Variants in ANK2 observed in about 807,000 individuals in gnomAD.
The protein encoded by ANK2 is ankyrin 2, also known as ankyrin-2.
In ANK2, 83 loss-of-function variants were observed where a neutral mutation model predicts 360.5. The ratio of observed to expected loss-of-function variants is 0.23; its 90% CI spans 0.19 to 0.28. The LOEUF (loss-of-function observed/expected upper bound fraction) is 0.28. Among genes scored for constraint, ANK2 ranks in the 10% least tolerant of loss-of-function variants. ANK2 has a pLI of 1.00. For synonymous variants in ANK2, 1,740 were observed against 1,759.5 expected (o/e 0.99, Z 0.28); for missense variants, 4,201 against 4,795.7 (o/e 0.88, Z 3.66).
At chr4:113,231,786 T>G (rs1200509182) in intron 4 of ANK2, among the ~76,000 whole-genome samples, 1 of 151,906 alleles carries the variant, frequency 6.6e-6, no homozygotes, top group Non-Finnish European at 1.5e-5. Flanking sequence ...GTATTTTTAG[T>G]AGAGATGCGG....
At chr4:113,337,599 G>A (rs2093712916) in intron 31 of ANK2, among the ~76,000 whole-genome samples, 1 of 152,100 alleles carries the variant, frequency 6.6e-6, no homozygotes, top group Non-Finnish European at 1.5e-5. Flanking sequence ...TGTATTGTTA[G>A]AATTATTATT....
Position 113,199,069 on chromosome 4 carries a change from T to A in ANK2, c.344T>A (p.Val115Asp), listed in dbSNP as rs780411131. The A allele has an allele frequency of 6.2e-7, 1 of 1,613,466 alleles. No homozygotes were observed. The highest frequency in any genetic ancestry group is 8.5e-7 in the Non-Finnish European group (1 of 1,179,558). The change falls in exon 4 of 46, where the codon GTT becomes GAT. Residue 115 changes from valine to aspartate, a missense_variant. Transcript: ENST00000357077. ...SLAGQAEVVK[V>D]LVKEGANINA... is the part of the protein sequence containing the mutation. The stretch of plus-strand genomic sequence containing the variant: ...GCTGGACAAGCAGAAGTTGTCAAAG[T>A]TCTTGTTAAGGAAGGAGCCAATATT...
chr4:113,203,719 A>T (rs2098893174), intron 4 of ANK2, among the ~76,000 whole-genome samples: 1 of 152,038 alleles, frequency 6.6e-6, no homozygotes, highest in South Asian at 2.1e-4. Context: ...ATCTCTTTTG[A>T]TATTCCTTTA....
chr4:112,871,049 T>C (rs1189730213), intron 1 of ANK2, among the ~76,000 whole-genome samples: 1 of 149,160 alleles, frequency 6.7e-6, no homozygotes, highest in African/African-American at 2.4e-5. Context: ...AAATATTTGA[T>C]TGCGTTTGAT....
chr4:113,128,833 G>A (rs2095832587), intron 1 of ANK2, among the ~76,000 whole-genome samples: 1 of 152,160 alleles, frequency 6.6e-6, no homozygotes, highest in African/African-American at 2.4e-5. Context: ...AATACGTAGA[G>A]TTGTACGTTG....
intron 1 of ANK2, among the ~76,000 whole-genome samples, chr4:112,844,836 G>A (rs1011968720): frequency 3.3e-5 from 5 of 152,182 alleles, no homozygotes; most frequent in African/African-American, 9.7e-5. Context: ...AAATTAAGAT[G>A]TCAGTTGCTC....
intron 4 of ANK2, among the ~76,000 whole-genome samples, chr4:113,209,733 C>T (rs1297553474): frequency 6.6e-6 from 1 of 151,976 alleles, no homozygotes; most frequent in African/African-American, 2.4e-5. Context: ...GGAGGTTCCA[C>T]ATTGGTTTTG....
the ANK2 span, chr4:112,797,756 A>G: frequency 0.25 from 41,501 of 167,714 alleles, 5,738 homozygotes; most frequent in East Asian, 0.53. Flanking sequence ...GACAACTTCA[A>G]GATTGTATTT....
intron 24 of ANK2, 131 bp downstream of exon 24, chr4:113,311,530 T>C: frequency 8.0e-7 from 1 of 1,242,416 alleles, no homozygotes; most frequent in Non-Finnish European, 1.1e-6. Context: ...AGTTAGCATG[T>C]TATGTTTTTC....
intron 2 of ANK2, among the ~76,000 whole-genome samples, chr4:112,929,039 G>T (rs139567782): frequency 0.027 from 4,092 of 151,968 alleles, 77 homozygotes; most frequent in Middle Eastern, 0.037. Context: ...TTTTAGTAGA[G>T]ACGGGGTTTC....
At chr4:112,807,463 C>A in the ANK2 span, among the ~76,000 whole-genome samples, 1 of 152,148 alleles carries the variant, frequency 6.6e-6, no homozygotes, top group South Asian at 2.1e-4. Flanking sequence ...AGTTACTATT[C>A]TTTGAGGAGA....
At chr4:113,306,620 A>G (rs2077349498) in intron 23 of ANK2, among the ~76,000 whole-genome samples, 1 of 152,232 alleles carries the variant, frequency 6.6e-6, no homozygotes, top group South Asian at 2.1e-4. Context: ...AAATCTCTAT[A>G]ATGCTAGGTA....
chr4:113,043,548 AG>A (rs1205805508), intron 2 of ANK2, among the ~76,000 whole-genome samples: 8 of 152,122 alleles, frequency 5.3e-5, no homozygotes, highest in Admixed American at 1.3e-4. Flanking sequence ...CTGGGATTAC[AG>A]GCATGAGCCA....
At position 113,354,376 on chromosome 4, in the gene ANK2, G is replaced by T; in HGVS notation, c.5758G>T (p.Gly1920Trp). ...CAAACGTCCACCTGTATCGCCCTCC[G>T]GGAGGACAGAAAAACACCCGCCAGT... ...TDKRPPVSPSGRTEKHPPVSP... is the reference protein window; with the variant it reads ...TDKRPPVSPSWRTEKHPPVSP... Residue 1920 changes from glycine to tryptophan, a missense_variant, in exon 38 of 46, where the codon GGG (glycine) becomes TGG (tryptophan). Coordinates refer to ENST00000357077, the MANE Select transcript of ANK2 (RefSeq NM_001148.6). 2 of 1,613,964 alleles carry T rather than the reference G, an allele frequency of 1.2e-6. No homozygotes were observed. Among genetic ancestry groups the T allele is most frequent in the Non-Finnish European group, 1.7e-6 (2 of 1,179,954 alleles).
chr4:113,199,653 C>G lies in ANK2; in HGVS notation c.384+544C>G, dbSNP rs920413389. 3.3e-5 allele frequency among the ~76,000 whole-genome samples: 5 copies of G among 150,880 alleles called. 1 individual carries two copies. In the South Asian group the frequency reaches 8.4e-4, roughly 25 times the overall value. On this transcript the variant is annotated intron_variant, in intron 4 of 45. Coordinates refer to ENST00000357077, the MANE Select transcript of ANK2 (RefSeq NM_001148.6). ...CAAAATTATACTATAAGCTTGATCC[C>G]TTTTTTTTTCTGGTGGAAAAGGGGA...
chr4:113,182,279 A>G (rs768683601), intron 2 of ANK2, among the ~76,000 whole-genome samples: 3 of 152,196 alleles, frequency 2.0e-5, no homozygotes, highest in Non-Finnish European at 4.4e-5. Context: ...TCAGCAGGTC[A>G]GTTTTGAACA....
intron 1 of ANK2, among the ~76,000 whole-genome samples, chr4:113,060,679 C>CTT (rs58946073): frequency 4.0e-4 from 36 of 89,326 alleles, no homozygotes; most frequent in African/African-American, 1.1e-3. Context: ...ATCTAAAAAG[C>CTT]TTTTTTTTTT....
intron 1 of ANK2, chr4:113,160,398 T>C: frequency 2.4e-6 from 1 of 408,746 alleles, no homozygotes; most frequent in Non-Finnish European, 4.8e-6. Context: ...AAATGTAATC[T>C]TAGGCAATGA....
chr4:112,919,626 A>C (rs534841748), intron 2 of ANK2, among the ~76,000 whole-genome samples: 1 of 152,072 alleles, frequency 6.6e-6, no homozygotes, highest in Non-Finnish European at 1.5e-5. Flanking sequence ...TACCAAATTT[A>C]TTTTCCTTAA....
Sources: allele counts gnomAD v4.1 joint callset (sites outside exome capture counted in the v4.1 genomes callset), GRCh38; gene constraint gnomAD v4.1.1; transcripts MANE v1.5; gene names NCBI Gene and HGNC (gene_info 2026-07-23, HGNC 2026-07-21).